HDAC2: variants seen among roughly 807,000 people sequenced by gnomAD.
HDAC2 encodes YY1-associated factor 1.
In HDAC2, 5 loss-of-function variants were observed where a neutral mutation model predicts 68.5. The observed-to-expected ratio is 0.07, with a 90% confidence interval of 0.04 to 0.15. The LOEUF (loss-of-function observed/expected upper bound fraction) is 0.15. Ranked by LOEUF, HDAC2 falls within the 10% of genes least tolerant of loss-of-function variation. The pLI is 1.00. For synonymous variants in HDAC2, 182 were observed against 191.3 expected, an observed-to-expected ratio of 0.95 and a Z score of 0.40; for missense variants, 291 against 600.8, an observed-to-expected ratio of 0.48 and a Z score of 5.39.
intron 1 of HDAC2, among the ~76,000 whole-genome samples, chr6:113,967,386 C>T (rs943266358): frequency 4.6e-5 from 7 of 152,198 alleles, no homozygotes; most frequent in Non-Finnish European, 7.3e-5. Context: ...GCCTCAGTCT[C>T]CCAAAGTGCT....
chr6:113,962,721 C>T (rs1276924361), intron 1 of HDAC2, among the ~76,000 whole-genome samples: 2 of 151,984 alleles, frequency 1.3e-5, no homozygotes, highest in Admixed American at 1.3e-4. Context: ...CCCAGTACTT[C>T]GGGAGGCCGA....
Position 113,943,339 on chromosome 6 carries a change from A to G in HDAC2, c.1378+12T>C. ...TACAATTAAAACACAATTACCAAGA[A>G]ACAAATCTGACCTGTTTTTTTGTCC... On this transcript the variant is annotated intron_variant, in intron 12 of 13. Coordinates refer to ENST00000519065, the MANE Select transcript of HDAC2 (RefSeq NM_001527.4). 5 of 1,586,814 alleles carry G rather than the reference A, an allele frequency of 3.2e-6. No individual in the cohort carries two copies. The highest frequency in any genetic ancestry group is 4.3e-6 in the Non-Finnish European group (5 of 1,170,174).
chr6:113,960,068 T>A, intron 1 of HDAC2, 50 bp from the exon 2 acceptor site: 1 of 882,014 alleles, frequency 1.1e-6, no homozygotes, highest in African/African-American at 1.7e-5. Flanking sequence ...AGACCCTCCA[T>A]GAACTATTTG....
chr6:113,943,754 T>C (rs1776200678), intron 11 of HDAC2, among the ~76,000 whole-genome samples: 1 of 152,122 alleles, frequency 6.6e-6, no homozygotes, highest in South Asian at 2.1e-4. Flanking sequence ...TCTTTAAAAA[T>C]GCTGAAACTC....
intron 1 of HDAC2, chr6:113,969,955 G>A (rs1308477702): frequency 6.6e-6 from 1 of 152,262 alleles, no homozygotes; most frequent in East Asian, 1.9e-4. Flanking sequence ...CAACAAAGAA[G>A]TGGGTGGTAA....
intron 1 of HDAC2, 133 bp downstream of exon 1, chr6:113,970,724 C>A: frequency 1.4e-6 from 2 of 1,396,590 alleles, no homozygotes; most frequent in East Asian, 2.8e-5. Flanking sequence ...GGGCCGGGAA[C>A]GGGTTAAGAT....
chr6:113,954,320 A>C (rs538116192), intron 5 of HDAC2, among the ~76,000 whole-genome samples: 1 of 152,346 alleles, frequency 6.6e-6, no homozygotes, highest in Admixed American at 6.5e-5. Context: ...TTTCCAGACT[A>C]AGCACTCATA....
At chr6:113,959,853 T>A in intron 2 of HDAC2, 53 bp downstream of exon 2, 1 of 754,144 alleles carries the variant, frequency 1.3e-6, no homozygotes. Flanking sequence ...TCACAGTAGC[T>A]AAAAAAAAAT....
rs1363774729 is a variant in HDAC2, at chr6:113,933,139, A to G, written c.*7919T>C. ...TAATTGCTAAAATGTTGACATCAAA[A>G]CTTTGCAGTTTGCTTTCAAAATGAT... On this transcript the variant is annotated 3_prime_UTR_variant, in exon 14 of 14. Coordinates refer to ENST00000519065, the MANE Select transcript of HDAC2 (RefSeq NM_001527.4). The G allele has an allele frequency of 1.3e-5, 2 of 152,216 alleles. No individual in the cohort carries two copies. Among genetic ancestry groups the G allele is most frequent in the African/African-American group, 2.4e-5 (1 of 41,456 alleles). 9.4% of individuals were successfully genotyped at this position (152,216 alleles called of 1,614,324 possible).
At chr6:113,951,763 G>A (rs917353606) in intron 6 of HDAC2, among the ~76,000 whole-genome samples, 1 of 152,110 alleles carries the variant, frequency 6.6e-6, no homozygotes, top group African/African-American at 2.4e-5. Flanking sequence ...CACCGCGCCC[G>A]GCCCAGCGAT....
chr6:113,946,891 G>GA (rs1776276124), intron 8 of HDAC2: 1 of 151,966 alleles, frequency 6.6e-6, no homozygotes, highest in Admixed American at 6.5e-5. Flanking sequence ...GAGTATTTGG[G>GA]AAAAAATTAA....
chr6:113,957,085 C>T (rs959793825), intron 3 of HDAC2: 3 of 162,666 alleles, frequency 1.8e-5, no homozygotes, highest in African/African-American at 7.2e-5. Flanking sequence ...TTCTTTGAAA[C>T]TCCTTAAATA....
At chr6:113,970,304 C>G (rs1449403315) in intron 1 of HDAC2, 2 of 273,884 alleles carry the variant, frequency 7.3e-6, no homozygotes, top group African/African-American at 4.6e-5. Flanking sequence ...AGAAGACGCT[C>G]CGGCCAGACC....
At position 113,956,634 on chromosome 6, in the gene HDAC2, T is replaced by C. The variant is rs749599825; in HGVS notation, c.343A>G (p.Thr115Ala). 1 of 1,612,506 alleles carries C rather than the reference T, an allele frequency of 6.2e-7. No homozygotes were observed. Among genetic ancestry groups the C allele is most frequent in the Non-Finnish European group, 8.5e-7 (1 of 1,178,594 alleles). Reference protein sequence around the residue: ...DGLFEFCQLSTGGSVAGAVKL... With the variant: ...DGLFEFCQLSAGGSVAGAVKL... Reference sequence around the variant, plus strand: ...TAGCACTTACCAACTGAACCGCCAGTTGAGAGCTGACAAAACTCAAAGAGT... The same window carrying C: ...TAGCACTTACCAACTGAACCGCCAGCTGAGAGCTGACAAAACTCAAAGAGT... The change falls in exon 4 of 14, where the codon ACT (threonine) becomes GCT (alanine). Residue 115 changes from threonine (T) to alanine (A), a missense_variant. Thr to Ala is a moderately conservative substitution (Grantham distance 58, BLOSUM62 0). Transcript: ENST00000519065.
In HDAC2 at chr6:113,937,234, T is replaced by A. The variant is rs535399062; in HGVS notation, c.*3824A>T. 3.3e-5 allele frequency: 5 copies of A among 152,282 alleles called. No homozygotes were observed. The highest frequency in any genetic ancestry group is 1.2e-4 in the African/African-American group (5 of 41,562). 9.4% of individuals were successfully genotyped at this position (152,282 alleles called of 1,614,324 possible). A position where few individuals can be genotyped will look rare whatever the true frequency, so the allele number is the denominator to read the frequency against. On this transcript the variant is annotated 3_prime_UTR_variant, in exon 14 of 14. Coordinates refer to ENST00000519065, the MANE Select transcript of HDAC2 (RefSeq NM_001527.4). ...TATATCACAATATGAATAACAAATA[T>A]TATGAATCGCAGTTATCAAAAAAAC...
intron 5 of HDAC2, among the ~76,000 whole-genome samples, 189 bp from the exon 6 acceptor site, chr6:113,953,607 G>A (rs1776473047): frequency 6.6e-6 from 1 of 152,112 alleles, no homozygotes; most frequent in Non-Finnish European, 1.5e-5. Context: ...CCCACTTGTG[G>A]CCCAATGTAG....
chr6:113,967,765 G>A (rs1439953970), intron 1 of HDAC2, among the ~76,000 whole-genome samples: 1 of 152,078 alleles, frequency 6.6e-6, no homozygotes, highest in African/African-American at 2.4e-5. Context: ...AAATCACATC[G>A]TTTTAAGGCC....
Position 113,969,421 on chromosome 6 carries a change from G to A in HDAC2, c.52+1436C>T, listed in dbSNP as rs188943891. The stretch of plus-strand genomic sequence containing the variant: ...ACAGTACGGTCATTTACAAGTTAAA[G>A]TAGATTTATTCTGAGCTGGTGCTCT... On this transcript the variant is annotated intron_variant, in intron 1 of 13. Coordinates refer to ENST00000519065, the MANE Select transcript of HDAC2 (RefSeq NM_001527.4). 4.3e-4 allele frequency among the ~76,000 whole-genome samples: 65 copies of A among 152,328 alleles called. 1 individual carries two copies. The highest frequency in any genetic ancestry group is 1.4e-3 in the African/African-American group (60 of 41,568).
At chr6:113,962,375 T>A in intron 1 of HDAC2, 1 of 915,358 alleles carries the variant, frequency 1.1e-6, no homozygotes, top group Non-Finnish European at 1.3e-6. Flanking sequence ...ACAGATTCAC[T>A]AGAAATGGCA....
Sources: gnomAD v4.1 joint callset for allele counts (sites outside exome capture counted in the v4.1 genomes callset) on GRCh38, gnomAD v4.1.1 for gene constraint, MANE v1.5 for transcripts, NCBI Gene and HGNC (gene_info 2026-07-23, HGNC 2026-07-21) for gene names.